The following SNX21 variants were observed in gnomAD, a reference collection of about 807,000 sequenced individuals.
SNX21 encodes sorting nexin-21.
SNX21 carries 36 observed loss-of-function variants against 30.9 expected under a neutral mutation model. That is an observed-to-expected ratio of 1.16 (90% confidence interval 0.89 to 1.54). The LOEUF (loss-of-function observed/expected upper bound fraction) is 1.54, where lower values mean the gene tolerates loss of function less well. Among genes scored for constraint, SNX21 ranks in the 40% most tolerant of loss-of-function variants. The pLI is 0.00. For missense variants in SNX21, 508 were observed against 516.5 expected (o/e 0.98, Z 0.16); for synonymous variants, 218 against 222.7 (o/e 0.98, Z 0.19).
chr20:45,841,914 TC>T lies in SNX21; in HGVS notation c.*603del, dbSNP rs775951683. 1 of 1,612,772 alleles carries T rather than the reference TC, an allele frequency of 6.2e-7. No individual in the cohort carries two copies. Among genetic ancestry groups the T allele is most frequent in the Admixed American group, 1.7e-5 (1 of 59,930 alleles). On this transcript the variant is annotated 3_prime_UTR_variant, in exon 4 of 4. Coordinates refer to ENST00000491381, the MANE Select transcript of SNX21 (RefSeq NM_033421.4). ...GGCACAGGTCACAGCTAGGACTCCATCCTGACGCCACAGCCGCCCATGGACC... is the reference window on the plus strand; with the variant it reads ...GGCACAGGTCACAGCTAGGACTCCATCTGACGCCACAGCCGCCCATGGACC...
chr20:45,840,221 G>A, intron 3 of SNX21: 1 of 1,423,238 alleles, frequency 7.0e-7, no homozygotes, highest in Non-Finnish European at 9.2e-7. Context: ...GCCTGACCAG[G>A]GATGTGGAGG....
rs1382671386 is a variant in SNX21 at position 45,834,100 on chromosome 20, C to G, written c.22-101C>G. The G allele has an allele frequency of 6.1e-5, 86 of 1,405,416 alleles. No individual in the cohort carries two copies. The East Asian group carries it at 2.1e-3, about 34-fold the overall frequency. The allele number at this position is 1,405,416 out of a possible 1,614,324, so 87.1% of individuals were successfully genotyped here. On this transcript the variant is annotated intron_variant, in intron 1 of 3. Coordinates refer to ENST00000491381, the MANE Select transcript of SNX21 (RefSeq NM_033421.4). ...TGCCAGGGGGTGGGGCCTCACCGCG[C>G]CCCTCCCTCTCCGGTTCGGGCCCCG... is the stretch of plus-strand genomic sequence containing the variant.
intron 3 of SNX21, among the ~76,000 whole-genome samples, chr20:45,839,885 G>C (rs1983892190): frequency 6.6e-6 from 1 of 152,050 alleles, no homozygotes; most frequent in African/African-American, 2.4e-5. Flanking sequence ...CTCCAACCTG[G>C]CCAACAGTGA....
chr20:45,834,401 C>T lies in SNX21; in HGVS notation c.222C>T (p.Asp74=). The change falls in exon 2 of 4, where the codon GAC becomes GAT. Residue 74 remains aspartate, a synonymous_variant. Coordinates refer to ENST00000491381, the MANE Select transcript of SNX21 (RefSeq NM_033421.4). ...TSAEDDEDDE[D]EDDEEAGPDQ... is the part of the protein sequence containing the mutation. ...CCGAGGACGACGAGGACGACGAGGA[C>T]GAGGACGACGAGGAGGCTGGCCCTG... 6.2e-7 allele frequency: 1 copy of T among 1,601,196 alleles called. No individual in the cohort carries two copies. The highest frequency in any genetic ancestry group is 8.5e-7 in the Non-Finnish European group (1 of 1,174,622).
intron 2 of SNX21, 95 bp from the exon 3 acceptor site, chr20:45,834,864 C>T: frequency 6.8e-7 from 1 of 1,473,822 alleles, no homozygotes; most frequent in Non-Finnish European, 9.2e-7. Flanking sequence ...GGGGGTAAGT[C>T]CTGCCTCACA....
At chr20:45,834,794 C>T (rs1162386750) in intron 2 of SNX21, 165 bp from the exon 3 acceptor site, 7 of 885,454 alleles carry the variant, frequency 7.9e-6, no homozygotes, top group Non-Finnish European at 1.0e-5. Flanking sequence ...TACTGTCTGC[C>T]AGGCACGGTG....
Position 45,840,946 on chromosome 20 carries a change from G to T in SNX21, c.755G>T (p.Cys252Phe). Reference sequence around the variant, plus strand: ...CTGCGGCGGGCACAGAGCCTCACCTGTACTGGCCTCTATCGTGAGGCTCTG... The same window carrying T: ...CTGCGGCGGGCACAGAGCCTCACCTTTACTGGCCTCTATCGTGAGGCTCTG... Reference protein sequence around the residue: ...PELRRAQSLTCTGLYREALAL... With the variant: ...PELRRAQSLTFTGLYREALAL... The change falls in exon 4 of 4, where the codon TGT becomes TTT. Residue 252 changes from cysteine to phenylalanine, a missense_variant. Physicochemically the swap from Cys to Phe is radical, Grantham distance 205. Coordinates refer to ENST00000491381, the MANE Select transcript of SNX21 (RefSeq NM_033421.4). 6.2e-7 allele frequency: 1 copy of T among 1,611,274 alleles called. No individual in the cohort carries two copies.
chr20:45,839,241 C>T (rs1186373050), intron 3 of SNX21, among the ~76,000 whole-genome samples: 4 of 152,028 alleles, frequency 2.6e-5, no homozygotes, highest in Admixed American at 2.0e-4. Flanking sequence ...GCTGGCCAGG[C>T]GCGGTGGCTC....
intron 3 of SNX21, among the ~76,000 whole-genome samples, chr20:45,838,676 C>T (rs1445815006): frequency 1.3e-5 from 2 of 151,224 alleles, no homozygotes; most frequent in African/African-American, 4.8e-5. Flanking sequence ...ATTGCTTGAA[C>T]CCAGGAGGCA....
Position 45,841,014 on chromosome 20 carries a change from ACCCCCTCT to A in SNX21, c.824_831del (p.Thr275ArgfsTer30). ...CTGGCAGCTGCAAGCCCAGCTGGGC[ACCCCCTCT>A]GGCCCAGACCGCCCCCTGCTGACCC... On this transcript the variant is annotated frameshift_variant, in exon 4 of 4. Transcript: ENST00000491381. LOFTEE classifies it high-confidence loss of function. 6.2e-7 allele frequency: 1 copy of A among 1,609,500 alleles called. No individual in the cohort carries two copies. The highest frequency in any genetic ancestry group is 1.1e-5 in the South Asian group (1 of 90,780).
In SNX21 at chr20:45,833,927, G is replaced by A; in HGVS notation, c.8G>A (p.Arg3His). 1 of 1,429,372 alleles carries A rather than the reference G, an allele frequency of 7.0e-7. No homozygotes were observed. Among genetic ancestry groups the A allele is most frequent in the Non-Finnish European group, 9.1e-7 (1 of 1,094,186 alleles). The allele number at this position is 1,429,372 out of a possible 1,614,324, so 88.5% of individuals were successfully genotyped here. A position where few individuals can be genotyped will look rare whatever the true frequency, so the allele number is the denominator to read the frequency against. MHRGTQEGAMASR... is the reference protein window; with the variant it reads MHHGTQEGAMASR... Reference sequence around the variant, plus strand: ...GGCGCGGCGCGCCCCTGAATGCACCGTGGGACGCAGGAGGTAGAGGCGCAC... The same window carrying A: ...GGCGCGGCGCGCCCCTGAATGCACCATGGGACGCAGGAGGTAGAGGCGCAC... Residue 3 changes from arginine to histidine, a missense_variant, in exon 1 of 4, where the codon CGT becomes CAT. Transcript: ENST00000491381.
chr20:45,842,348 G>A lies in SNX21; in HGVS notation c.*1035G>A, dbSNP rs79106516. 1.1e-5 allele frequency: 15 copies of A among 1,372,654 alleles called. No individual in the cohort carries two copies. Among genetic ancestry groups the A allele is most frequent in the East Asian group, 5.6e-5 (2 of 35,556 alleles). 85.0% of individuals were successfully genotyped at this position (1,372,654 alleles called of 1,614,324 possible). ...CTTCCTCAAAAAGATCACAGAGGGA[G>A]GAGCTCTGAGAACAGTCTCCTTCAA... On this transcript the variant is annotated 3_prime_UTR_variant, in exon 4 of 4. Coordinates refer to ENST00000491381, the MANE Select transcript of SNX21 (RefSeq NM_033421.4).
intron 3 of SNX21, among the ~76,000 whole-genome samples, chr20:45,837,926 C>T (rs995023757): frequency 1.3e-5 from 2 of 151,738 alleles, no homozygotes; most frequent in Non-Finnish European, 2.9e-5. Context: ...GTGCCCACCA[C>T]CATGCCTGGC....
Position 45,840,820 on chromosome 20 carries a change from C to T in SNX21, c.629C>T (p.Ala210Val), listed in dbSNP as rs1568730389. Residue 210 changes from alanine to valine, a missense_variant, in exon 4 of 4, where the codon GCC (alanine) becomes GTC (valine). Ala to Val is a moderately conservative substitution (Grantham distance 64). Coordinates refer to ENST00000491381, the MANE Select transcript of SNX21 (RefSeq NM_033421.4). ...LRRNFTAETI[A>V]RRSRAFEQFL... is the part of the protein sequence containing the mutation. The stretch of plus-strand genomic sequence containing the variant: ...CGGAATTTTACTGCAGAGACCATTG[C>T]CCGCCGTAGCCGGGCCTTTGAGCAG... 2 of 1,613,952 alleles carry T rather than the reference C, an allele frequency of 1.2e-6. No homozygotes were observed. The highest frequency in any genetic ancestry group is 1.7e-6 in the Non-Finnish European group (2 of 1,180,052).
At chr20:45,838,647 G>A (rs537483440) in intron 3 of SNX21, among the ~76,000 whole-genome samples, 3 of 151,988 alleles carry the variant, frequency 2.0e-5, no homozygotes, top group South Asian at 2.1e-4. Flanking sequence ...CCAGCTACTC[G>A]GGAGATTGAG....
At chr20:45,835,189 C>T in intron 3 of SNX21, 73 bp downstream of exon 3, 1 of 1,477,318 alleles carries the variant, frequency 6.8e-7, no homozygotes, top group South Asian at 1.3e-5. Context: ...AAGACCCCAA[C>T]TTCCTGAGGG....
chr20:45,842,158 C>G lies in SNX21; in HGVS notation c.*845C>G, dbSNP rs575090228. ...GCCCAACCTCCAAGTGGACTTCTTG[C>G]AAAGGGTCTGGCCCAGGGCAGGGCT... On this transcript the variant is annotated 3_prime_UTR_variant, in exon 4 of 4. Coordinates refer to ENST00000491381, the MANE Select transcript of SNX21 (RefSeq NM_033421.4). 13 of 1,523,534 alleles carry G rather than the reference C, an allele frequency of 8.5e-6. No homozygotes were observed. The highest frequency in any genetic ancestry group is 1.1e-5 in the Non-Finnish European group (12 of 1,141,818). 94.4% of individuals were successfully genotyped at this position (1,523,534 alleles called of 1,614,324 possible).
chr20:45,835,114 G>C lies in SNX21; in HGVS notation c.445G>C (p.Val149Leu), dbSNP rs776833056. Residue 149 changes from valine (V) to leucine (L), a missense_variant and splice_region_variant, in exon 3 of 4, where the codon GTG becomes CTG. By Grantham distance (32) the Val-to-Leu change is conservative. Coordinates refer to ENST00000491381, the MANE Select transcript of SNX21 (RefSeq NM_033421.4). The part of the protein sequence containing the change: ...NVVKDPPSKY[V>L]LYTLAVIGPG... ...TGTCAAGGACCCGCCCTCCAAGTAC[G>C]TGGTGAGTGAGGGTCTAGAACCCCT... 6.2e-7 allele frequency: 1 copy of C among 1,612,402 alleles called. No individual in the cohort carries two copies. Among genetic ancestry groups the C allele is most frequent in the Non-Finnish European group, 8.5e-7 (1 of 1,178,914 alleles).
chr20:45,841,883 C>G lies in SNX21; in HGVS notation c.*570C>G. On this transcript the variant is annotated 3_prime_UTR_variant, in exon 4 of 4. Transcript: ENST00000491381. ...CCTGGGGCTTCACTCGGATCACGCC[C>G]TCCTGGGCACAGGTCACAGCTAGGA... 6.2e-7 allele frequency: 1 copy of G among 1,611,178 alleles called. No individual in the cohort carries two copies. Among genetic ancestry groups the G allele is most frequent in the Non-Finnish European group, 8.5e-7 (1 of 1,179,312 alleles).
Sources: allele counts gnomAD v4.1 joint callset (sites outside exome capture counted in the v4.1 genomes callset), GRCh38; gene constraint gnomAD v4.1.1; transcripts MANE v1.5; gene names NCBI Gene and HGNC (gene_info 2026-07-23, HGNC 2026-07-21).